The following SNX10 variants were observed in gnomAD, a reference collection of about 807,000 sequenced individuals.
The protein encoded by SNX10 is sorting nexin-10.
Under a neutral mutation model 28.5 loss-of-function variants are expected in SNX10, and 25 were observed. The ratio of observed to expected loss-of-function variants is 0.88; its 90% CI spans 0.64 to 1.22. SNX10 has a LOEUF of 1.22. Among genes scored for constraint, SNX10 ranks in the 50% most tolerant of loss-of-function variants. The pLI is 0.00. For synonymous variants in SNX10, 62 were observed against 81.4 expected, an observed-to-expected ratio of 0.76 and a Z score of 1.28; for missense variants, 223 against 242.6, an observed-to-expected ratio of 0.92 and a Z score of 0.54.
intron 1 of SNX10, among the ~76,000 whole-genome samples, chr7:26,339,204 A>G (rs1788073321): frequency 6.6e-6 from 1 of 152,216 alleles, no homozygotes; most frequent in African/African-American, 2.4e-5. Flanking sequence ...CTTAAGCGTT[A>G]GAAGCAAGAT....
intron 1 of SNX10, among the ~76,000 whole-genome samples, chr7:26,344,096 A>G (rs537377057): frequency 1.5e-4 from 22 of 151,716 alleles, no homozygotes; most frequent in Non-Finnish European, 2.5e-4. Context: ...GCACAACTGA[A>G]ACTCTGTACC....
intron 5 of SNX10, among the ~76,000 whole-genome samples, chr7:26,366,198 A>G (rs1789282375): frequency 6.6e-6 from 1 of 152,206 alleles, no homozygotes; most frequent in African/African-American, 2.4e-5. Context: ...TTTGGGGTTC[A>G]CTAAATAGGA....
intron 1 of SNX10, among the ~76,000 whole-genome samples, chr7:26,295,139 G>A (rs962091727): frequency 6.6e-5 from 10 of 152,106 alleles, no homozygotes; most frequent in Admixed American, 5.9e-4. Flanking sequence ...CTTGTGCTAG[G>A]CCTCAGTGAT....
At position 26,348,686 on chromosome 7, in the gene SNX10, C is replaced by T. The variant is rs995437418; in HGVS notation, c.24+2220C>T. Among the ~76,000 whole-genome samples, 27 of 152,338 alleles carry T rather than the reference C, an allele frequency of 1.8e-4. No individual in the cohort carries two copies. In the East Asian group the frequency reaches 1.9e-3, roughly 11 times the overall value. On this transcript the variant is annotated intron_variant, in intron 2 of 6. Coordinates refer to ENST00000338523, the MANE Select transcript of SNX10 (RefSeq NM_013322.3). The stretch of plus-strand genomic sequence containing the variant: ...TTAGAACAAAGTCAAAACACCTGCA[C>T]GTGGTCTCTAGCACTCTGCAGGATC...
At chr7:26,300,874 C>T (rs984799323) in intron 1 of SNX10, among the ~76,000 whole-genome samples, 4 of 151,990 alleles carry the variant, frequency 2.6e-5, no homozygotes, top group Middle Eastern at 6.8e-3. Flanking sequence ...CAAAAATTAG[C>T]CAGGTGTGGT....
At chr7:26,313,726 T>TA (rs35008226) in intron 1 of SNX10, among the ~76,000 whole-genome samples, 8,280 of 151,434 alleles carry the variant, frequency 0.055, 293 homozygotes, top group East Asian at 0.21. Context: ...GCATAATAAT[T>TA]AAAAAAAAAT....
intron 2 of SNX10, among the ~76,000 whole-genome samples, chr7:26,350,192 T>C (rs1391902625): frequency 6.6e-6 from 1 of 152,210 alleles, no homozygotes; most frequent in Non-Finnish European, 1.5e-5. Context: ...TCATACTAGG[T>C]ATAACAGCAG....
Position 26,373,965 on chromosome 7 carries a change from T to G in SNX10, c.*1393T>G, listed in dbSNP as rs1789676627. 1 of 152,070 alleles carries G rather than the reference T, an allele frequency of 6.6e-6. No homozygotes were observed. The highest frequency in any genetic ancestry group is 1.5e-5 in the Non-Finnish European group (1 of 67,898). 9.4% of individuals were successfully genotyped at this position (152,070 alleles called of 1,614,324 possible). On this transcript the variant is annotated 3_prime_UTR_variant, in exon 7 of 7. Transcript: ENST00000338523. The surrounding 1 kb of genome is among the most constrained non-coding windows in gnomAD (Gnocchi z 4.2). The stretch of plus-strand genomic sequence containing the variant: ...TAGAATAAGAATGATTTCTTTAATT[T>G]GTCCTTTTTTTCTTTGGTCTAAAAC...
At chr7:26,370,570 A>G (rs1357362569) in intron 5 of SNX10, 1 of 152,178 alleles carries the variant, frequency 6.6e-6, no homozygotes, top group South Asian at 2.1e-4. Context: ...AATACTGTGC[A>G]TTTTTAGGCA....
intron 1 of SNX10, among the ~76,000 whole-genome samples, chr7:26,294,775 C>T (rs1225237472): frequency 6.6e-6 from 1 of 152,174 alleles, no homozygotes; most frequent in Non-Finnish European, 1.5e-5. Context: ...GTTAACAACC[C>T]TTGAGATAGG....
At chr7:26,353,661 AG>A (rs1788704257) in intron 2 of SNX10, among the ~76,000 whole-genome samples, 1 of 152,106 alleles carries the variant, frequency 6.6e-6, no homozygotes, top group African/African-American at 2.4e-5. Flanking sequence ...CATGTTGGCC[AG>A]GCTGTTCTCA....
chr7:26,310,047 C>T (rs1407744647), intron 1 of SNX10, among the ~76,000 whole-genome samples: 1 of 152,190 alleles, frequency 6.6e-6, no homozygotes, highest in Non-Finnish European at 1.5e-5. Flanking sequence ...TCTCATCCTC[C>T]ACAGTCCAGT....
At chr7:26,355,436 G>A (rs1446529467) in intron 2 of SNX10, among the ~76,000 whole-genome samples, 1 of 152,116 alleles carries the variant, frequency 6.6e-6, no homozygotes, top group Non-Finnish European at 1.5e-5. Flanking sequence ...TTACTATGTT[G>A]CGTCTTCCAA....
intron 1 of SNX10, among the ~76,000 whole-genome samples, chr7:26,294,394 T>C (rs1223878170): frequency 1.3e-5 from 2 of 152,230 alleles, no homozygotes; most frequent in East Asian, 3.8e-4. Flanking sequence ...GAGTTGCCTG[T>C]TATTCAGAAA....
chr7:26,337,723 C>T (rs774511728), intron 1 of SNX10, among the ~76,000 whole-genome samples: 16 of 152,210 alleles, frequency 1.1e-4, no homozygotes, highest in Non-Finnish European at 2.2e-4. Flanking sequence ...TTGATGGACA[C>T]TTAGGTTACT....
intron 1 of SNX10, among the ~76,000 whole-genome samples, chr7:26,307,378 G>A (rs560324010): frequency 3.9e-5 from 6 of 152,046 alleles, no homozygotes; most frequent in African/African-American, 9.7e-5. Context: ...CCAGTCACCC[G>A]GCCTGTGAGT....
intron 2 of SNX10, among the ~76,000 whole-genome samples, chr7:26,351,626 T>C (rs972689981): frequency 6.9e-5 from 10 of 144,166 alleles, no homozygotes; most frequent in African/African-American, 2.5e-4. Flanking sequence ...AGGTGAAAAC[T>C]AAAGCAATCA....
chr7:26,345,930 G>A (rs965594520), intron 1 of SNX10, among the ~76,000 whole-genome samples: 1 of 152,098 alleles, frequency 6.6e-6, no homozygotes, highest in African/African-American at 2.4e-5. Flanking sequence ...GCTTTATCCC[G>A]CTGAGGGCCA....
At chr7:26,327,176 C>T (rs1176067430) in intron 1 of SNX10, among the ~76,000 whole-genome samples, 1 of 152,100 alleles carries the variant, frequency 6.6e-6, no homozygotes, top group African/African-American at 2.4e-5. Context: ...GTCTCAAACT[C>T]CTTACCTCAG....
Sources: allele counts gnomAD v4.1 joint callset (sites outside exome capture counted in the v4.1 genomes callset), GRCh38; gene constraint gnomAD v4.1.1; non-coding constraint Gnocchi (gnomAD v3.1); transcripts MANE v1.5; gene names NCBI Gene and HGNC (gene_info 2026-07-23, HGNC 2026-07-21).